The following MCTP1 variants were observed in gnomAD, a reference collection of about 807,000 sequenced individuals.
MCTP1 encodes multiple C2 and transmembrane domain-containing protein 1.
Under a neutral mutation model 120.6 loss-of-function variants are expected in MCTP1, and 69 were observed. That is an observed-to-expected ratio of 0.57 (90% CI 0.47 to 0.70). The LOEUF (loss-of-function observed/expected upper bound fraction) is 0.70. Among genes scored for constraint, MCTP1 ranks in the 30% least tolerant of loss-of-function variants. MCTP1 has a pLI of 0.00. For synonymous variants in MCTP1, 529 were observed against 493.1 expected (o/e 1.07, Z -0.96); for missense variants, 1,203 against 1,248.8 (o/e 0.96, Z 0.55).
intron 1 of MCTP1, among the ~76,000 whole-genome samples, chr5:95,018,373 T>C (rs111846795): frequency 3.9e-5 from 6 of 152,202 alleles, no homozygotes; most frequent in Non-Finnish European, 8.8e-5. Context: ...AGAATATGCA[T>C]GGATGAGGTA....
intron 1 of MCTP1, among the ~76,000 whole-genome samples, chr5:95,055,960 T>G (rs1747288271): frequency 6.6e-6 from 1 of 152,248 alleles, no homozygotes; most frequent in Non-Finnish European, 1.5e-5. Flanking sequence ...GCTAGTATGC[T>G]ATACATGTAC....
chr5:94,894,244 G>T (rs72775378), intron 11 of MCTP1, among the ~76,000 whole-genome samples: 8,538 of 152,256 alleles, frequency 0.056, 341 homozygotes, highest in Middle Eastern at 0.1. Context: ...AGTTACCAGC[G>T]TACTAATTAA....
At chr5:94,732,763 A>G (rs67573880) in intron 19 of MCTP1, among the ~76,000 whole-genome samples, 34,609 of 152,032 alleles carry the variant, frequency 0.23, 4,046 homozygotes, top group East Asian at 0.35. Context: ...AGCTGTCTAT[A>G]GAACCAGGAA....
chr5:95,051,163 C>G (rs1386763595), intron 1 of MCTP1, among the ~76,000 whole-genome samples: 1 of 152,180 alleles, frequency 6.6e-6, no homozygotes, highest in Non-Finnish European at 1.5e-5. Context: ...ATATATACAA[C>G]AAGTCAGCAT....
intron 2 of MCTP1, among the ~76,000 whole-genome samples, chr5:95,008,020 T>C (rs1260609008): frequency 6.6e-6 from 1 of 152,224 alleles, no homozygotes; most frequent in East Asian, 1.9e-4. Flanking sequence ...CCTGAATTTC[T>C]ACCCTGCCTA....
chr5:95,198,413 T>G (rs1334830063), intron 1 of MCTP1, among the ~76,000 whole-genome samples: 1 of 152,172 alleles, frequency 6.6e-6, no homozygotes, highest in Non-Finnish European at 1.5e-5. Context: ...TCACTTTTAG[T>G]ACAGAATTAA....
chr5:94,992,384 C>G (rs924482707), intron 2 of MCTP1, among the ~76,000 whole-genome samples: 1 of 152,110 alleles, frequency 6.6e-6, no homozygotes, highest in African/African-American at 2.4e-5. Flanking sequence ...AGAATCCCAT[C>G]TACTCTTTAG....
chr5:95,280,921 G>A (rs1347085888), intron 1 of MCTP1, among the ~76,000 whole-genome samples: 3 of 152,060 alleles, frequency 2.0e-5, no homozygotes, highest in South Asian at 2.1e-4. Context: ...GTCAGAGTAC[G>A]TGCACATATG....
At chr5:95,027,096 A>G (rs903499878) in intron 1 of MCTP1, among the ~76,000 whole-genome samples, 9 of 152,246 alleles carry the variant, frequency 5.9e-5, no homozygotes, top group South Asian at 2.1e-4. Flanking sequence ...TCAAAGTTCA[A>G]TGAAGCTCAA....
intron 17 of MCTP1, among the ~76,000 whole-genome samples, chr5:94,815,177 G>A (rs1561681750): frequency 6.6e-6 from 1 of 152,150 alleles, no homozygotes; most frequent in Non-Finnish European, 1.5e-5. Context: ...AGCAGGACAA[G>A]TGAAATACAC....
chr5:95,219,514 T>C (rs1753445856), intron 1 of MCTP1, among the ~76,000 whole-genome samples: 1 of 152,088 alleles, frequency 6.6e-6, no homozygotes, highest in Non-Finnish European at 1.5e-5. Context: ...GATACTCAAA[T>C]GAATTAAATT....
At chr5:94,756,142 C>G (rs533678010) in intron 19 of MCTP1, among the ~76,000 whole-genome samples, 1 of 152,260 alleles carries the variant, frequency 6.6e-6, no homozygotes, top group African/African-American at 2.4e-5. Context: ...ACTAAATATA[C>G]AGTCATTTAA....
chr5:95,147,329 A>C (rs1016204381), intron 1 of MCTP1, among the ~76,000 whole-genome samples: 3 of 152,060 alleles, frequency 2.0e-5, no homozygotes, highest in African/African-American at 7.2e-5. Context: ...CTCGTGATCC[A>C]CCTGCCTCGG....
At chr5:94,919,866 A>G (rs1187386491) in intron 7 of MCTP1, among the ~76,000 whole-genome samples, 1 of 152,246 alleles carries the variant, frequency 6.6e-6, no homozygotes, top group Non-Finnish European at 1.5e-5. Context: ...TTGCTTTTAC[A>G]GAAAACTCTC....
At chr5:94,803,326 G>A (rs2153036261) in intron 17 of MCTP1, among the ~76,000 whole-genome samples, 1 of 152,270 alleles carries the variant, frequency 6.6e-6, no homozygotes, top group African/African-American at 2.4e-5. Flanking sequence ...CATGTTAGAA[G>A]CTCTCTATCA....
chr5:95,276,802 A>C (rs1233903582), intron 1 of MCTP1, among the ~76,000 whole-genome samples: 1 of 151,672 alleles, frequency 6.6e-6, no homozygotes, highest in Non-Finnish European at 1.5e-5. Context: ...AACACAAAAA[A>C]TTAGCCGGGC....
intron 1 of MCTP1, among the ~76,000 whole-genome samples, chr5:95,150,581 GA>G (rs1162288744): frequency 6.6e-6 from 1 of 152,118 alleles, no homozygotes; most frequent in Non-Finnish European, 1.5e-5. Context: ...TCCAGTTTAT[GA>G]ATACATTTCG....
At chr5:95,236,722 C>T (rs376594008) in intron 1 of MCTP1, among the ~76,000 whole-genome samples, 2 of 152,092 alleles carry the variant, frequency 1.3e-5, no homozygotes, top group Non-Finnish European at 1.5e-5. Context: ...TGTCTCCCTC[C>T]GAAAAATCAC....
At position 94,704,605 on chromosome 5, in the gene MCTP1, T is replaced by C. The variant is rs1166286575; in HGVS notation, c.*2891A>G. On this transcript the variant is annotated 3_prime_UTR_variant, in exon 23 of 23. Coordinates refer to ENST00000515393, the MANE Select transcript of MCTP1 (RefSeq NM_024717.7). Reference sequence around the variant, plus strand: ...ATTTTATAAAAGATAATTTTAGAAATGTATCAATTAAATTTGGCTCTCACT... The same window carrying C: ...ATTTTATAAAAGATAATTTTAGAAACGTATCAATTAAATTTGGCTCTCACT... The C allele has an allele frequency of 6.7e-6, 1 of 148,636 alleles. No homozygotes were observed. The highest frequency in any genetic ancestry group is 6.6e-5 in the Admixed American group (1 of 15,088). The allele number at this position is 148,636 out of a possible 1,614,324, so 9.2% of individuals were successfully genotyped here.
Sources: gnomAD v4.1 joint callset for allele counts (sites outside exome capture counted in the v4.1 genomes callset) on GRCh38, gnomAD v4.1.1 for gene constraint, MANE v1.5 for transcripts, NCBI Gene and HGNC (gene_info 2026-07-23, HGNC 2026-07-21) for gene names.